AGAP1: variants seen among roughly 807,000 people sequenced by gnomAD.
The protein encoded by AGAP1 is arf-GAP with GTPase, ANK repeat and PH domain-containing protein 1.
AGAP1 carries 29 observed loss-of-function variants against 105.3 expected under a neutral mutation model. The ratio of observed to expected loss-of-function variants is 0.28; its 90% confidence interval spans 0.21 to 0.38. AGAP1 has a LOEUF of 0.38. Ranked by LOEUF, AGAP1 falls within the 10% of genes least tolerant of loss-of-function variation. The pLI is 1.00. For synonymous variants in AGAP1, 509 were observed against 485.9 expected (o/e 1.05, Z -0.63); for missense variants, 998 against 1,165.1 (o/e 0.86, Z 2.09).
intron 9 of AGAP1, among the ~76,000 whole-genome samples, chr2:235,811,541 T>C (rs553472157): frequency 6.6e-6 from 1 of 152,362 alleles, no homozygotes; most frequent in East Asian, 1.9e-4. Context: ...GAGTCTTTTC[T>C]TCCTTTTTCA....
At chr2:235,997,247 G>A (rs1020564718) in intron 13 of AGAP1, among the ~76,000 whole-genome samples, 32 of 152,214 alleles carry the variant, frequency 2.1e-4, no homozygotes, top group East Asian at 1.5e-3. Context: ...GCACCACCAC[G>A]CCTAGCTAAT....
intron 1 of AGAP1, chr2:235,524,456 C>T (rs931531981): frequency 3.6e-6 from 1 of 279,574 alleles, no homozygotes; most frequent in Middle Eastern, 4.3e-4. Flanking sequence ...AGCTGAGAAT[C>T]TGGAGAGAGC....
rs1372531399 is a variant in AGAP1, at chr2:235,989,966, G to C, written c.1645+21343G>C. On this transcript the variant is annotated intron_variant, in intron 13 of 17. Transcript: ENST00000304032. This position sits in a 1 kb window ranked among gnomAD's most constrained non-coding sequence, Gnocchi z 4.4. ...GCGTAGCCGGGGTTGGGAACCAGTGGTTTAGGTTAAGATCAGCTAGATCTG... is the reference window on the plus strand; with the variant it reads ...GCGTAGCCGGGGTTGGGAACCAGTGCTTTAGGTTAAGATCAGCTAGATCTG... Among the ~76,000 whole-genome samples, 1 of 152,058 alleles carries C rather than the reference G, an allele frequency of 6.6e-6. No homozygotes were observed. The highest frequency in any genetic ancestry group is 6.5e-5 in the Admixed American group (1 of 15,282).
In AGAP1 at chr2:235,556,453, G is replaced by T. The variant is rs1221265440; in HGVS notation, c.163+61604G>T. Among the ~76,000 whole-genome samples the T allele has an allele frequency of 6.6e-6, 1 of 152,244 alleles. No homozygotes were observed. The highest frequency in any genetic ancestry group is 2.4e-5 in the African/African-American group (1 of 41,466). On this transcript the variant is annotated intron_variant, in intron 1 of 17. Coordinates refer to ENST00000304032, the MANE Select transcript of AGAP1 (RefSeq NM_001037131.3). The surrounding 1 kb of genome is among the most constrained non-coding windows in gnomAD (Gnocchi z 5.3). ...TAGGTCTTCAGGATGGGACAAGGCA[G>T]TCTTGGGGGACTTTGGGGTGACACA...
At chr2:235,604,572 C>CTTT (rs1166523228) in intron 1 of AGAP1, among the ~76,000 whole-genome samples, 5 of 69,680 alleles carry the variant, frequency 7.2e-5, no homozygotes, top group African/African-American at 1.3e-4. Flanking sequence ...TTTTTATTAT[C>CTTT]TTTTTTTTTT....
chr2:235,593,656 A>G (rs932932173), intron 1 of AGAP1, among the ~76,000 whole-genome samples: 2 of 152,162 alleles, frequency 1.3e-5, no homozygotes, highest in Non-Finnish European at 2.9e-5. Context: ...CAAATCGTGT[A>G]GCGCTACAGC....
Position 235,737,366 on chromosome 2 carries a change from C to G in AGAP1, c.311-3597C>G, listed in dbSNP as rs3754660. Among the ~76,000 whole-genome samples the G allele has an allele frequency of 2.3e-3, 356 of 152,212 alleles. 4 individuals carry two copies. The highest frequency in any genetic ancestry group is 0.02 in the East Asian group (105 of 5,186). On this transcript the variant is annotated intron_variant, in intron 3 of 17. Coordinates refer to ENST00000304032, the MANE Select transcript of AGAP1 (RefSeq NM_001037131.3). The surrounding 1 kb of genome is among the most constrained non-coding windows in gnomAD (Gnocchi z 4.5). ...ACTGTTAATTATACTCTGTATCTGC[C>G]GGGGGAATGTAAACTGACTTTAGGA... is the stretch of plus-strand genomic sequence containing the variant.
intron 6 of AGAP1, among the ~76,000 whole-genome samples, chr2:235,794,075 C>G (rs954071537): frequency 1.3e-5 from 2 of 152,090 alleles, no homozygotes; most frequent in African/African-American, 2.4e-5. Context: ...GTGTCCTGTC[C>G]CAGGCACCTG....
Position 235,754,627 on chromosome 2 carries a change from T to C in AGAP1, c.673+4139T>C, listed in dbSNP as rs377554335. On this transcript the variant is annotated intron_variant, in intron 6 of 17. Transcript: ENST00000304032. The surrounding 1 kb of genome is among the most constrained non-coding windows in gnomAD (Gnocchi z 4.6). ...ATTCACTTTTTGTTCGCTTGTGTGG[T>C]CCTGTTTACTTTGCTTTCATGGAGT... is the stretch of plus-strand genomic sequence containing the variant. Among the ~76,000 whole-genome samples, 13 of 152,322 alleles carry C rather than the reference T, an allele frequency of 8.5e-5. No individual in the cohort carries two copies. In the South Asian group the frequency reaches 2.7e-3, roughly 32 times the overall value.
intron 1 of AGAP1, among the ~76,000 whole-genome samples, chr2:235,597,566 C>T (rs1332314657): frequency 2.6e-5 from 4 of 152,344 alleles, no homozygotes; most frequent in South Asian, 2.1e-4. Context: ...ATTGCAACCA[C>T]CTTACTGCAC....
In AGAP1 at chr2:235,582,954, G is replaced by T. The variant is rs564955273; in HGVS notation, c.163+88105G>T. Among the ~76,000 whole-genome samples the T allele has an allele frequency of 6.6e-6, 1 of 152,360 alleles. No homozygotes were observed. Among genetic ancestry groups the T allele is most frequent in the East Asian group, 1.9e-4 (1 of 5,180 alleles). Reference sequence around the variant, plus strand: ...GGCTGCTTTCCACTCATTTTATGTTGTTGGGATTTGGCTCGGAACCTGCCA... The same window carrying T: ...GGCTGCTTTCCACTCATTTTATGTTTTTGGGATTTGGCTCGGAACCTGCCA... On this transcript the variant is annotated intron_variant, in intron 1 of 17. Coordinates refer to ENST00000304032, the MANE Select transcript of AGAP1 (RefSeq NM_001037131.3). The surrounding 1 kb of genome is among the most constrained non-coding windows in gnomAD (Gnocchi z 4.7).
chr2:235,993,953 C>T lies in AGAP1; in HGVS notation c.1645+25330C>T, dbSNP rs1246663544. On this transcript the variant is annotated intron_variant, in intron 13 of 17. Transcript: ENST00000304032. This position sits in a 1 kb window ranked among gnomAD's most constrained non-coding sequence, Gnocchi z 5.0. ...ACTAATATGAAAACCCAGAACATTC[C>T]AGATGTCCTAGGAACACAGGTCCTA... Among the ~76,000 whole-genome samples the T allele has an allele frequency of 2.6e-5, 4 of 152,062 alleles. No individual in the cohort carries two copies. Among genetic ancestry groups the T allele is most frequent in the Non-Finnish European group, 4.4e-5 (3 of 68,020 alleles).
At chr2:235,636,762 T>G (rs932985179) in intron 1 of AGAP1, among the ~76,000 whole-genome samples, 1 of 151,996 alleles carries the variant, frequency 6.6e-6, no homozygotes, top group African/African-American at 2.4e-5. Flanking sequence ...AGAATGGAAA[T>G]AAGGTCGTCG....
At chr2:235,706,344 G>A (rs1039093407) in intron 1 of AGAP1, among the ~76,000 whole-genome samples, 1 of 151,972 alleles carries the variant, frequency 6.6e-6, no homozygotes, top group Non-Finnish European at 1.5e-5. Flanking sequence ...CCTGCCTCAG[G>A]CTCCCGAGTA....
intron 1 of AGAP1, among the ~76,000 whole-genome samples, chr2:235,684,122 A>G (rs1029098826): frequency 2.0e-5 from 3 of 152,080 alleles, no homozygotes. Flanking sequence ...GCTCACTGCA[A>G]GCTCCGCTTC....
At chr2:236,099,564 A>C (rs1233079752) in intron 16 of AGAP1, among the ~76,000 whole-genome samples, 1 of 152,196 alleles carries the variant, frequency 6.6e-6, no homozygotes, top group Non-Finnish European at 1.5e-5. Flanking sequence ...ACATTTTATC[A>C]TAGGGAGGCC....
intron 10 of AGAP1, among the ~76,000 whole-genome samples, chr2:235,894,851 G>A (rs957936351): frequency 1.3e-5 from 2 of 152,180 alleles, no homozygotes; most frequent in Admixed American, 6.5e-5. Flanking sequence ...TGTGGTTTCC[G>A]ATTCTGCCGT....
rs898916080 is a variant in AGAP1 at position 236,096,680 on chromosome 2, G to C, written c.2115-23512G>C. On this transcript the variant is annotated intron_variant, in intron 16 of 17. Coordinates refer to ENST00000304032, the MANE Select transcript of AGAP1 (RefSeq NM_001037131.3). This position sits in a 1 kb window ranked among gnomAD's most constrained non-coding sequence, Gnocchi z 4.4. Reference sequence around the variant, plus strand: ...TGCAACCTCTGCCTCCCCGGTTCAAGTGATTCTTCTGCCTCGGCCTCCTGA... The same window carrying C: ...TGCAACCTCTGCCTCCCCGGTTCAACTGATTCTTCTGCCTCGGCCTCCTGA... Among the ~76,000 whole-genome samples, 3 of 151,952 alleles carry C rather than the reference G, an allele frequency of 2.0e-5. No individual in the cohort carries two copies. Among genetic ancestry groups the C allele is most frequent in the African/African-American group, 7.3e-5 (3 of 41,370 alleles).
intron 1 of AGAP1, among the ~76,000 whole-genome samples, chr2:235,676,752 G>A (rs114255908): frequency 0.016 from 2,368 of 152,186 alleles, 64 homozygotes; most frequent in African/African-American, 0.05. Context: ...TTGTCAATTT[G>A]TTTTCCTGTA....
Sources: allele counts gnomAD v4.1 joint callset (sites outside exome capture counted in the v4.1 genomes callset), GRCh38; gene constraint gnomAD v4.1.1; non-coding constraint Gnocchi (gnomAD v3.1); transcripts MANE v1.5; gene names NCBI Gene and HGNC (gene_info 2026-07-23, HGNC 2026-07-21).